The following POU2AF3 variants were observed in gnomAD, a reference collection of about 807,000 sequenced individuals.
POU2AF3 encodes the protein POU class 2 homeobox associating factor 3, also known as cancer susceptibility candidate 13.
At chr11:111,307,474 A>G in the POU2AF3 span, among the ~76,000 whole-genome samples, 1 of 152,202 alleles carries the variant, frequency 6.6e-6, no homozygotes, top group African/African-American at 2.4e-5. Flanking sequence ...ATGGGGCCCC[A>G]GTGACCCAGT....
chr11:111,299,764 G>A, the POU2AF3 span: 5 of 1,212,096 alleles, frequency 4.1e-6, no homozygotes, highest in Non-Finnish European at 5.2e-6. Context: ...AGGAGCGGGG[G>A]CGAAGGAGGG....
the POU2AF3 span, chr11:111,298,824 A>AGGCCGGG: frequency 5.1e-5 from 46 of 903,130 alleles, no homozygotes; most frequent in Non-Finnish European, 6.3e-5. Flanking sequence ...CGCGTACCCC[A>AGGCCGGG]GGCCCCCGCC....
At chr11:111,300,051 A>T in the POU2AF3 span, 1 of 395,348 alleles carries the variant, frequency 2.5e-6, no homozygotes, top group South Asian at 1.4e-4. Flanking sequence ...CTTCCATGCT[A>T]GTGGGAACAT....
the POU2AF3 span, among the ~76,000 whole-genome samples, chr11:111,301,737 G>A: frequency 1.3e-5 from 2 of 152,112 alleles, no homozygotes; most frequent in Admixed American, 6.5e-5. Flanking sequence ...AGGGTTAATC[G>A]AGTTATTGCA....
At chr11:111,299,406 C>G in the POU2AF3 span, 3 of 1,007,894 alleles carry the variant, frequency 3.0e-6, no homozygotes, top group African/African-American at 5.2e-5. Context: ...AAAGCTCGCC[C>G]GGCTCGGCTT....
At chr11:111,299,210 G>A in the POU2AF3 span, 1 of 978,652 alleles carries the variant, frequency 1.0e-6, no homozygotes, top group Non-Finnish European at 1.2e-6. Context: ...CTGTCCAGCT[G>A]CGGTCCCCGC....
chr11:111,307,945 G>C, the POU2AF3 span: 1 of 890,088 alleles, frequency 1.1e-6, no homozygotes, highest in South Asian at 2.2e-5. Context: ...GTTGGGTGTT[G>C]TTTCGTTTGA....
At chr11:111,303,302 G>A in the POU2AF3 span, among the ~76,000 whole-genome samples, 1 of 152,166 alleles carries the variant, frequency 6.6e-6, no homozygotes. Flanking sequence ...ACTTGAGTTA[G>A]TCGTTATCAA....
chr11:111,298,825 G>GGGGGGGGGC, the POU2AF3 span: 3 of 852,674 alleles, frequency 3.5e-6, no homozygotes, highest in Non-Finnish European at 4.6e-6. Flanking sequence ...GCGTACCCCA[G>GGGGGGGGGC]GCCCCCGCCC....
the POU2AF3 span, chr11:111,300,472 G>T: frequency 2.2e-6 from 2 of 907,614 alleles, no homozygotes; most frequent in Non-Finnish European, 2.9e-6. Flanking sequence ...CCCCCACTCT[G>T]CACCCTGGCA....
chr11:111,306,353 A>G, the POU2AF3 span: 1 of 1,244,768 alleles, frequency 8.0e-7, no homozygotes, highest in South Asian at 1.7e-5. Context: ...TGTGTTTTGC[A>G]ATTTTTATGC....
the POU2AF3 span, among the ~76,000 whole-genome samples, chr11:111,303,220 G>C: frequency 6.6e-6 from 1 of 151,934 alleles, no homozygotes; most frequent in South Asian, 2.1e-4. Flanking sequence ...ATTTCAGCCA[G>C]ATCAATTTGC....
At chr11:111,304,808 G>C in the POU2AF3 span, 3 of 502,060 alleles carry the variant, frequency 6.0e-6, no homozygotes, top group African/African-American at 4.0e-5. Flanking sequence ...CTTTTTCTGA[G>C]AAGGAAGAAT....
At chr11:111,302,793 C>T in the POU2AF3 span, among the ~76,000 whole-genome samples, 2 of 152,248 alleles carry the variant, frequency 1.3e-5, no homozygotes, top group South Asian at 2.1e-4. Context: ...AAAAGCCAGA[C>T]GTAAAATCCC....
At chr11:111,301,183 A>G in the POU2AF3 span, among the ~76,000 whole-genome samples, 1 of 152,186 alleles carries the variant, frequency 6.6e-6, no homozygotes, top group Non-Finnish European at 1.5e-5. Flanking sequence ...CTTCCCTAAA[A>G]TGTATCAACA....
At chr11:111,300,049 C>T in the POU2AF3 span, 2 of 395,602 alleles carry the variant, frequency 5.1e-6, no homozygotes, top group Non-Finnish European at 4.4e-6. Context: ...GACTTCCATG[C>T]TAGTGGGAAC....
At chr11:111,300,807 G>A in the POU2AF3 span, among the ~76,000 whole-genome samples, 1 of 152,230 alleles carries the variant, frequency 6.6e-6, no homozygotes, top group Non-Finnish European at 1.5e-5. Context: ...GGACAGCTGG[G>A]GCATGTTGTG....
chr11:111,301,088 T>C, the POU2AF3 span, among the ~76,000 whole-genome samples: 1 of 152,302 alleles, frequency 6.6e-6, no homozygotes, highest in East Asian at 1.9e-4. Flanking sequence ...TCTGAGATCA[T>C]TTATCTGTAA....
At chr11:111,307,654 G>T in the POU2AF3 span, among the ~76,000 whole-genome samples, 4 of 152,220 alleles carry the variant, frequency 2.6e-5, no homozygotes, top group African/African-American at 9.6e-5. Context: ...TCCAAGTTAT[G>T]CCTTTGCATG....
Sources: gnomAD v4.1 joint callset for allele counts (sites outside exome capture counted in the v4.1 genomes callset) on GRCh38, gnomAD v4.1.1 for gene constraint, MANE v1.5 for transcripts, NCBI Gene and HGNC (gene_info 2026-07-23, HGNC 2026-07-21) for gene names.